GDPD2: variants seen among roughly 807,000 people sequenced by gnomAD.
GDPD2 encodes the protein glycerophosphodiester phosphodiesterase 3.
In GDPD2, 23 loss-of-function variants were observed where a neutral mutation model predicts 49.2. The observed-to-expected ratio is 0.47, with a 90% CI of 0.34 to 0.66. The LOEUF (loss-of-function observed/expected upper bound fraction) is 0.66. Ranked by LOEUF, GDPD2 falls within the 30% of genes least tolerant of loss-of-function variation. GDPD2 has a pLI of 0.01. For missense variants in GDPD2, 338 were observed against 424.7 expected (o/e 0.80, Z 1.79); for synonymous variants, 167 against 171.4 (o/e 0.97, Z 0.20).
At chrX:70,430,967 T>G (rs1325780529) in intron 12 of GDPD2, 5 of 435,756 alleles carry the variant, frequency 1.1e-5, no homozygotes, top group Non-Finnish European at 2.0e-5. Context: ...TTTTTTTTTT[T>G]TTTTAGAGAC....
chrX:70,430,189 C>T, intron 12 of GDPD2, 126 bp downstream of exon 12: 1 of 604,757 alleles, frequency 1.7e-6, no homozygotes, highest in Non-Finnish European at 2.6e-6. Flanking sequence ...GAACACTTGC[C>T]ATGTATCAGG....
In GDPD2 at chrX:70,425,449, C is replaced by A; in HGVS notation, c.201C>A (p.Asn67Lys). ...IGLVLLNDLHNFNEFLFRRWG... is the reference protein window; with the variant it reads ...IGLVLLNDLHKFNEFLFRRWG... ...TCGTCCTTCTCAATGACCTGCACAA[C>A]TTCAATGAGTGTGTCATGGATTCCC... Residue 67 changes from asparagine (N) to lysine (K), a missense_variant, in exon 3 of 16, where the codon AAC (asparagine) becomes AAA (lysine). Transcript: ENST00000374382. 8.8e-7 allele frequency: 1 copy of A among 1,142,622 alleles called. No homozygotes were observed. Among genetic ancestry groups the A allele is most frequent in the Non-Finnish European group, 1.2e-6 (1 of 832,594 alleles). 94.2% of individuals were successfully genotyped at this position (1,142,622 alleles called of 1,213,427 possible). A position where few individuals can be genotyped will look rare whatever the true frequency, so the allele number is the denominator to read the frequency against.
chrX:70,429,717 G>T lies in GDPD2; in HGVS notation c.1158+3G>T. ...ATGCAAGGGTGCCCCAAGCCATGGT[G>T]ATGTTGCCAGGACCCCCTCTCCCCA... On this transcript the variant is annotated splice_donor_region_variant and intron_variant, in intron 11 of 15. Transcript: ENST00000374382. 1 of 1,169,341 alleles carries T rather than the reference G, an allele frequency of 8.6e-7. No homozygotes were observed. The highest frequency in any genetic ancestry group is 1.8e-5 in the South Asian group (1 of 55,419).
intron 7 of GDPD2, 45 bp downstream of exon 7, chrX:70,426,786 T>A: frequency 8.5e-7 from 1 of 1,170,269 alleles, no homozygotes; most frequent in Non-Finnish European, 1.2e-6. Flanking sequence ...CCACTCATGC[T>A]CTGCCACCTG....
At position 70,425,345 on chromosome X, in the gene GDPD2, C is replaced by T. The variant is rs1177592551; in HGVS notation, c.106-9C>T. ...ATTGGTTGTGAGTTTCTCTCCTGCC[C>T]CTTTGCAGTGCGACTGTATCTGGTT... On this transcript the variant is annotated splice_polypyrimidine_tract_variant and intron_variant, in intron 2 of 15. Transcript: ENST00000374382. The T allele has an allele frequency of 1.8e-6, 2 of 1,130,618 alleles. No homozygotes were observed. The highest frequency in any genetic ancestry group is 2.4e-6 in the Non-Finnish European group (2 of 822,411). The allele number at this position is 1,130,618 out of a possible 1,213,427, so 93.2% of individuals were successfully genotyped here. A position where few individuals can be genotyped will look rare whatever the true frequency, so the allele number is the denominator to read the frequency against.
Position 70,426,899 on chromosome X carries a change from G to A in GDPD2, c.590G>A (p.Gly197Glu). 1.7e-6 allele frequency: 2 copies of A among 1,209,177 alleles called. No individual in the cohort carries two copies. The highest frequency in any genetic ancestry group is 2.2e-6 in the Non-Finnish European group (2 of 893,491). ...ATTCTGCTACTGCTCCTATTTTTTG[G>A]AGTTGTCCTGGTCATCTACTTGGCC... is the stretch of plus-strand genomic sequence containing the variant. Reference protein sequence around the residue: ...PKILLLLLFFGVVLVIYLAPL... With the variant: ...PKILLLLLFFEVVLVIYLAPL... The change falls in exon 8 of 16, where the codon GGA (glycine) becomes GAA (glutamate). Residue 197 changes from glycine to glutamate, a missense_variant. By Grantham distance (98) the Gly-to-Glu change is moderately conservative (BLOSUM62 -2). Around this residue, in one of 3 missense-constraint regions of GDPD2, gnomAD observed 253 missense variants for 330.4 expected, o/e 0.77. Coordinates refer to ENST00000374382, the MANE Select transcript of GDPD2 (RefSeq NM_017711.4).
rs1329662763 is a variant in GDPD2, at chrX:70,432,417, A to C, written c.1418A>C (p.Gln473Pro). 1 of 1,209,032 alleles carries C rather than the reference A, an allele frequency of 8.3e-7. No individual in the cohort carries two copies. The highest frequency in any genetic ancestry group is 1.1e-6 in the Non-Finnish European group (1 of 894,509). Reference protein sequence around the residue: ...GVDSVTTNDCQLLQQMRYPIW... With the variant: ...GVDSVTTNDCPLLQQMRYPIW... ...GATTCGGTCACCACCAACGACTGCC[A>C]GCTGCTGCAGCAGATGCGTTACCCT... The change falls in exon 13 of 16, where the codon CAG (glutamine) becomes CCG (proline). Residue 473 changes from glutamine (Q) to proline (P), a missense_variant. Physicochemically the swap from Gln to Pro is moderately conservative, Grantham distance 76 (BLOSUM62 -1). Coordinates refer to ENST00000374382, the MANE Select transcript of GDPD2 (RefSeq NM_017711.4).
intron 3 of GDPD2, 28 bp downstream of exon 3, chrX:70,425,485 C>G: frequency 1.0e-6 from 1 of 998,646 alleles, no homozygotes; most frequent in East Asian, 3.0e-5. Flanking sequence ...CCTGCTTCCC[C>G]AGCATACCTG....
At chrX:70,431,315 A>G (rs774280944) in intron 12 of GDPD2, among the ~76,000 whole-genome samples, 1 of 112,553 alleles carries the variant, frequency 8.9e-6, no homozygotes, top group South Asian at 3.7e-4. Context: ...GTGCTGTAAA[A>G]AGATAGGCCA....
chrX:70,429,700 G>T lies in GDPD2; in HGVS notation c.1144G>T (p.Val382Leu). ...ATTGGAGACTGTGCTGAATGCAAGGGTGCCCCAAGCCATGGTGATGTTGCC... is the reference window on the plus strand; with the variant it reads ...ATTGGAGACTGTGCTGAATGCAAGGTTGCCCCAAGCCATGGTGATGTTGCC... ...QTLETVLNAR[V>L]PQAMVFWLPD... Residue 382 changes from valine to leucine, a missense_variant, in exon 11 of 16, where the codon GTG becomes TTG. Around this residue, in one of 3 missense-constraint regions of GDPD2, gnomAD observed 253 missense variants for 330.4 expected, o/e 0.77. Coordinates refer to ENST00000374382, the MANE Select transcript of GDPD2 (RefSeq NM_017711.4). The T allele has an allele frequency of 1.7e-6, 2 of 1,197,497 alleles. No homozygotes were observed. Among genetic ancestry groups the T allele is most frequent in the Non-Finnish European group, 2.3e-6 (2 of 883,244 alleles).
At chrX:70,427,554 G>A in intron 10 of GDPD2, 91 bp downstream of exon 10, 1 of 754,264 alleles carries the variant, frequency 1.3e-6, no homozygotes, top group Non-Finnish European at 1.9e-6. Flanking sequence ...GCTCAGCCCT[G>A]TGCTAGGCAA....
At chrX:70,427,063 C>A (rs759689173) in intron 8 of GDPD2, 52 bp downstream of exon 8, 1 of 1,184,598 alleles carries the variant, frequency 8.4e-7, no homozygotes. Context: ...CTCGTTTGCA[C>A]CATAGCGACC....
At chrX:70,431,097 T>C (rs1413213147) in intron 12 of GDPD2, 6 of 1,144,444 alleles carry the variant, frequency 5.2e-6, no homozygotes, top group Non-Finnish European at 6.9e-6. Flanking sequence ...AGCCTCCCGG[T>C]TATAAGCATG....
At chrX:70,429,298 CTG>C (rs1431483153) in intron 10 of GDPD2, among the ~76,000 whole-genome samples, 193 bp from the exon 11 acceptor site, 1 of 110,927 alleles carries the variant, frequency 9.0e-6, no homozygotes, top group African/African-American at 3.3e-5. Context: ...AGTTAGGAAA[CTG>C]GAAGGGTAGG....
At position 70,432,356 on chromosome X, in the gene GDPD2, C is replaced by T; in HGVS notation, c.1357C>T (p.Pro453Ser). 1 of 1,206,876 alleles carries T rather than the reference C, an allele frequency of 8.3e-7. No individual in the cohort carries two copies. Among genetic ancestry groups the T allele is most frequent in the East Asian group, 3.0e-5 (1 of 33,822 alleles). Residue 453 changes from proline (P) to serine (S), a missense_variant, in exon 13 of 16, where the codon CCC becomes TCC. By Grantham distance (74) the Pro-to-Ser change is moderately conservative. Transcript: ENST00000374382. The part of the protein sequence containing the change: ...VSVNLFVVNK[P>S]WLFSLLWCAG... ...GGTGAACCTATTTGTAGTGAACAAGCCCTGGCTCTTCTCTCTGCTTTGGTG... is the reference window on the plus strand; with the variant it reads ...GGTGAACCTATTTGTAGTGAACAAGTCCTGGCTCTTCTCTCTGCTTTGGTG...
intron 12 of GDPD2, among the ~76,000 whole-genome samples, chrX:70,431,931 T>C (rs1462392894): frequency 9.0e-6 from 1 of 111,667 alleles, no homozygotes; most frequent in Non-Finnish European, 1.9e-5. Flanking sequence ...CAAAGGAACA[T>C]TGATAAATTG....
intron 10 of GDPD2, chrX:70,427,673 A>G (rs1439572932): frequency 2.6e-6 from 1 of 382,221 alleles, no homozygotes; most frequent in African/African-American, 2.5e-5. Context: ...CTGGGAGAGA[A>G]TCAGGAGTGG....
intron 10 of GDPD2, chrX:70,427,738 G>A (rs1452726587): frequency 3.9e-6 from 1 of 258,678 alleles, no homozygotes; most frequent in Non-Finnish European, 6.9e-6. Context: ...GCAGGGAACA[G>A]GAACTCCTTC....
In GDPD2 at chrX:70,431,023, A is replaced by G. The variant is rs778089396; in HGVS notation, c.1307+960A>G. 40 of 641,280 alleles carry G rather than the reference A, an allele frequency of 6.2e-5. No individual in the cohort carries two copies. Among genetic ancestry groups the G allele is most frequent in the Middle Eastern group, 3.0e-4 (1 of 3,333 alleles). The allele number at this position is 641,280 out of a possible 1,213,427, so 52.8% of individuals were successfully genotyped here. ...GGCTGGTCTCAAACTACTGGCCTCA[A>G]GCAATCTTCCTGCCTCGGCCTCCCA... On this transcript the variant is annotated intron_variant, in intron 12 of 15. Coordinates refer to ENST00000374382, the MANE Select transcript of GDPD2 (RefSeq NM_017711.4).
Sources: gnomAD v4.1 joint callset for allele counts (sites outside exome capture counted in the v4.1 genomes callset) on GRCh38, gnomAD v4.1.1 for gene constraint, gnomAD v4.1.1 regional missense constraint, MANE v1.5 for transcripts, NCBI Gene and HGNC (gene_info 2026-07-23, HGNC 2026-07-21) for gene names.